The following NT5C1A variants were observed in gnomAD, a reference collection of about 807,000 sequenced individuals.
NT5C1A encodes 5'-nucleotidase, cytosolic IA.
NT5C1A carries 18 observed loss-of-function variants against 31.0 expected under a neutral mutation model. That is an observed-to-expected ratio of 0.58 (90% CI 0.40 to 0.86). The LOEUF is 0.86. Among genes scored for constraint, NT5C1A ranks in the 40% least tolerant of loss-of-function variants. The probability of loss-of-function intolerance (pLI) is 0.00; values close to 1 mark genes in which losing one functional copy is unlikely to be tolerated. For missense variants in NT5C1A, 470 were observed against 505.4 expected, an observed-to-expected ratio of 0.93 and a Z score of 0.67; for synonymous variants, 185 against 203.6, an observed-to-expected ratio of 0.91 and a Z score of 0.78.
chr1:39,661,235 G>A lies in NT5C1A; in HGVS notation c.585C>T (p.Pro195=). The change falls in exon 5 of 6, where the codon CCC becomes CCT. Residue 195 remains proline, a synonymous_variant. Coordinates refer to ENST00000235628, the MANE Select transcript of NT5C1A (RefSeq NM_032526.3). ...EGIAAATIFS[P]SRDVVVSQSQ... is the part of the protein sequence containing the mutation. ...TCTGGGACACAACCACATCCCTGCTGGGGCTGAAGATGGTGGCAGCTGCGA... is the reference window on the plus strand; with the variant it reads ...TCTGGGACACAACCACATCCCTGCTAGGGCTGAAGATGGTGGCAGCTGCGA... 1.3e-6 allele frequency: 2 copies of A among 1,588,922 alleles called. No homozygotes were observed. The highest frequency in any genetic ancestry group is 1.7e-6 in the Non-Finnish European group (2 of 1,159,238).
intron 1 of NT5C1A, 28 bp downstream of exon 1, chr1:39,671,876 C>G (rs762932033): frequency 8.1e-6 from 13 of 1,611,388 alleles, no homozygotes; most frequent in South Asian, 5.5e-5. Context: ...CTTCCCCCGT[C>G]CCCCGCATAC....
rs1277211598 is a variant in NT5C1A, at chr1:39,651,823, A to G, written c.*7298T>C. 6.6e-6 allele frequency among the ~76,000 whole-genome samples: 1 copy of G among 151,992 alleles called. No homozygotes were observed. The highest frequency in any genetic ancestry group is 2.4e-5 in the African/African-American group (1 of 41,376). On this transcript the variant is annotated 3_prime_UTR_variant, in exon 6 of 6. Transcript: ENST00000235628. Reference sequence around the variant, plus strand: ...GGCTGGTGGATCACCTGAGGTCAGGAGTTCGAGACCAGCCTGGCCAATATG... The same window carrying G: ...GGCTGGTGGATCACCTGAGGTCAGGGGTTCGAGACCAGCCTGGCCAATATG...
rs746442947 is a variant in NT5C1A, at chr1:39,666,189, C to T, written c.183G>A (p.Leu61=). Residue 61 remains leucine, a synonymous_variant, in exon 2 of 6, where the codon TTG becomes TTA. Transcript: ENST00000235628. The part of the protein sequence containing the change: ...AVTIAVSSRA[L]FRMDEEQQIY... ...TCTGCTGCTCCTCGTCCATGCGAAA[C>T]AAGGCTCGGGAGGACACAGCGATGG... The T allele has an allele frequency of 1.1e-5, 18 of 1,589,632 alleles. No individual in the cohort carries two copies. The South Asian group carries it at 1.8e-4, about 16-fold the overall frequency.
In NT5C1A at chr1:39,652,640, C is replaced by T. The variant is rs1646438361; in HGVS notation, c.*6481G>A. 6.6e-6 allele frequency among the ~76,000 whole-genome samples: 1 copy of T among 152,118 alleles called. No individual in the cohort carries two copies. The highest frequency in any genetic ancestry group is 2.1e-4 in the South Asian group (1 of 4,826). On this transcript the variant is annotated 3_prime_UTR_variant, in exon 6 of 6. Transcript: ENST00000235628. ...AGATGGCCATGAAGGCATATATTCACCCACAGGCCAGGAGTGTGGGAGTCA... is the reference window on the plus strand; with the variant it reads ...AGATGGCCATGAAGGCATATATTCATCCACAGGCCAGGAGTGTGGGAGTCA...
intron 1 of NT5C1A, among the ~76,000 whole-genome samples, chr1:39,668,448 C>T (rs574974836): frequency 1.3e-5 from 2 of 152,304 alleles, no homozygotes; most frequent in South Asian, 2.1e-4. Flanking sequence ...CAATCCATCC[C>T]GCCCCTGGTT....
intron 3 of NT5C1A, 89 bp downstream of exon 3, chr1:39,665,432 A>G: frequency 7.3e-7 from 1 of 1,369,398 alleles, no homozygotes; most frequent in Non-Finnish European, 9.9e-7. Flanking sequence ...GGTCAGTACA[A>G]CTCCATCCTG....
Position 39,652,392 on chromosome 1 carries a change from G to A in NT5C1A, c.*6729C>T, listed in dbSNP as rs1646437241. 6.6e-6 allele frequency among the ~76,000 whole-genome samples: 1 copy of A among 152,334 alleles called. No homozygotes were observed. Among genetic ancestry groups the A allele is most frequent in the Non-Finnish European group, 1.5e-5 (1 of 68,032 alleles). ...CGGCAACCTCAGGCCACATTCCCAT[G>A]TGGCAGCAACCATGGCAGACCACAG... is the stretch of plus-strand genomic sequence containing the variant. On this transcript the variant is annotated 3_prime_UTR_variant, in exon 6 of 6. Coordinates refer to ENST00000235628, the MANE Select transcript of NT5C1A (RefSeq NM_032526.3).
intron 1 of NT5C1A, 67 bp from the exon 2 acceptor site, chr1:39,666,303 A>C (rs1238532745): frequency 6.6e-7 from 1 of 1,512,896 alleles, no homozygotes; most frequent in Non-Finnish European, 9.1e-7. Flanking sequence ...CACATGTGTG[A>C]GTCTCCCTGG....
intron 1 of NT5C1A, among the ~76,000 whole-genome samples, chr1:39,669,521 T>G (rs1039921886): frequency 1.3e-5 from 2 of 152,164 alleles, no homozygotes; most frequent in Admixed American, 6.5e-5. Flanking sequence ...ATGGGGCCCA[T>G]GAGGCCTAGA....
chr1:39,663,562 AT>A, intron 3 of NT5C1A, 128 bp from the exon 4 acceptor site: 2 of 899,060 alleles, frequency 2.2e-6, no homozygotes, highest in Non-Finnish European at 3.4e-6. Context: ...TCTCAGTGTA[AT>A]TTTAGGCCAG....
At chr1:39,670,585 C>T (rs1484099583) in intron 1 of NT5C1A, among the ~76,000 whole-genome samples, 1 of 152,098 alleles carries the variant, frequency 6.6e-6, no homozygotes, top group Non-Finnish European at 1.5e-5. Context: ...CTTGGGGAAG[C>T]TAGTTTGGAA....
chr1:39,652,495 G>A lies in NT5C1A; in HGVS notation c.*6626C>T, dbSNP rs1646437709. ...TTCCTGCCTCGCCCCTGTAGGCATTGGGGTTTGTGACCCTGGCCCAGGCAT... is the reference window on the plus strand; with the variant it reads ...TTCCTGCCTCGCCCCTGTAGGCATTAGGGTTTGTGACCCTGGCCCAGGCAT... On this transcript the variant is annotated 3_prime_UTR_variant, in exon 6 of 6. Coordinates refer to ENST00000235628, the MANE Select transcript of NT5C1A (RefSeq NM_032526.3). Among the ~76,000 whole-genome samples, 1 of 151,958 alleles carries A rather than the reference G, an allele frequency of 6.6e-6. No individual in the cohort carries two copies. The highest frequency in any genetic ancestry group is 2.4e-5 in the African/African-American group (1 of 41,390).
Position 39,661,193 on chromosome 1 carries a change from G to C in NT5C1A, c.627C>G (p.Ala209=), listed in dbSNP as rs1197916146. 6.3e-7 allele frequency: 1 copy of C among 1,598,898 alleles called. No individual in the cohort carries two copies. The change falls in exon 5 of 6, where the codon GCC becomes GCG. Residue 209 remains alanine (A), a synonymous_variant. Transcript: ENST00000235628. The stretch of plus-strand genomic sequence containing the variant: ...AGAAGAGCACGGCGTCCCCATCGAA[G>C]GCCACGCGCAGCTGACTCTGGGACA... The part of the protein sequence containing the change: ...VVVSQSQLRV[A]FDGDAVLFSD...
At chr1:39,661,861 G>T (rs937485189) in intron 4 of NT5C1A, among the ~76,000 whole-genome samples, 5 of 152,204 alleles carry the variant, frequency 3.3e-5, no homozygotes, top group Non-Finnish European at 5.9e-5. Context: ...ATCGGGTGAG[G>T]TGAGTACGTG....
At chr1:39,670,831 T>C (rs1211008516) in intron 1 of NT5C1A, among the ~76,000 whole-genome samples, 2 of 151,718 alleles carry the variant, frequency 1.3e-5, no homozygotes, top group Admixed American at 1.3e-4. Flanking sequence ...ACGTGCCACT[T>C]CTACAAAGCT....
chr1:39,671,256 CG>C (rs1646549915), intron 1 of NT5C1A, among the ~76,000 whole-genome samples: 1 of 152,010 alleles, frequency 6.6e-6, no homozygotes, highest in Non-Finnish European at 1.5e-5. Context: ...ACCACAGGGT[CG>C]TGGGGATGTT....
At position 39,664,485 on chromosome 1, in the gene NT5C1A, T is replaced by TTTC. The variant is rs1420330482; in HGVS notation, c.433+1033_433+1035dup. On this transcript the variant is annotated intron_variant, in intron 3 of 5. Transcript: ENST00000235628. ...TCTGTCTCTCTCTCCCCAGAGTGGA[T>TTTC]TTCTCCTCCTCTCCTCTCCTCTCCT... 2.8e-4 allele frequency among the ~76,000 whole-genome samples: 17 copies of TTTC among 61,116 alleles called. 1 individual carries two copies. In the East Asian group the frequency reaches 3.1e-3, roughly 11 times the overall value. The allele number at this position is 61,116 out of a possible 152,430, so 40.1% of individuals were successfully genotyped here. A position where few individuals can be genotyped will look rare whatever the true frequency, so the allele number is the denominator to read the frequency against.
chr1:39,670,224 G>A (rs1331735082), intron 1 of NT5C1A, among the ~76,000 whole-genome samples: 4 of 152,160 alleles, frequency 2.6e-5, no homozygotes, highest in African/African-American at 7.2e-5. Context: ...TTCAGCATCC[G>A]GCCAAGTTGT....
In NT5C1A at chr1:39,651,462, T is replaced by C. The variant is rs1219543425; in HGVS notation, c.*7659A>G. On this transcript the variant is annotated 3_prime_UTR_variant, in exon 6 of 6. Transcript: ENST00000235628. ...AAGCTGGGAGAAGTACAAGCAGTCT[T>C]ATTCCCAGACAAGGGAAGTCACAAA... 6.6e-6 allele frequency among the ~76,000 whole-genome samples: 1 copy of C among 152,134 alleles called. No homozygotes were observed. Among genetic ancestry groups the C allele is most frequent in the East Asian group, 1.9e-4 (1 of 5,192 alleles).
Sources: allele counts gnomAD v4.1 joint callset (sites outside exome capture counted in the v4.1 genomes callset), GRCh38; gene constraint gnomAD v4.1.1; transcripts MANE v1.5; gene names NCBI Gene and HGNC (gene_info 2026-07-23, HGNC 2026-07-21).